Variants in BRINP3 observed in about 807,000 individuals in gnomAD.
BRINP3 encodes BMP/retinoic acid-inducible neural-specific protein 3.
BRINP3 carries 19 observed loss-of-function variants against 71.0 expected under a neutral mutation model. The observed-to-expected ratio is 0.27, with a 90% CI of 0.19 to 0.39. The LOEUF (loss-of-function observed/expected upper bound fraction) is 0.39. Ranked by LOEUF, BRINP3 falls within the 10% of genes least tolerant of loss-of-function variation. The pLI, the probability that BRINP3 is intolerant of heterozygous loss-of-function variation, is 1.00. For missense variants in BRINP3, 959 were observed against 940.8 expected (o/e 1.02, Z -0.25); for synonymous variants, 380 against 337.7 (o/e 1.13, Z -1.37).
chr1:190,314,287 T>A (rs961086523), intron 2 of BRINP3, among the ~76,000 whole-genome samples: 2 of 151,966 alleles, frequency 1.3e-5, no homozygotes, highest in Non-Finnish European at 2.9e-5. Context: ...CCTGGAGAAG[T>A]AAATATTGGG....
At chr1:190,367,099 G>A (rs1029034762) in intron 2 of BRINP3, among the ~76,000 whole-genome samples, 3 of 152,266 alleles carry the variant, frequency 2.0e-5, no homozygotes, top group Middle Eastern at 3.4e-3. Context: ...TCTGTGCGGG[G>A]GCTCCAACCT....
chr1:190,436,381 C>A (rs551105401), intron 2 of BRINP3, among the ~76,000 whole-genome samples: 21 of 151,712 alleles, frequency 1.4e-4, no homozygotes, highest in Non-Finnish European at 1.5e-5. Flanking sequence ...ACGCCAGAGC[C>A]AAGGATCTTA....
At chr1:190,228,733 T>G (rs1291378831) in intron 5 of BRINP3, among the ~76,000 whole-genome samples, 3 of 151,686 alleles carry the variant, frequency 2.0e-5, no homozygotes, top group Admixed American at 6.6e-5. Context: ...CCTAGAGAGA[T>G]AGCTTGGCCT....
At chr1:190,195,193 G>A (rs972956080) in intron 6 of BRINP3, among the ~76,000 whole-genome samples, 3 of 151,874 alleles carry the variant, frequency 2.0e-5, no homozygotes, top group African/African-American at 4.8e-5. Flanking sequence ...CTAAATTGAT[G>A]TTGACTTATG....
intron 1 of BRINP3, among the ~76,000 whole-genome samples, chr1:190,458,477 C>T (rs1048470115): frequency 6.6e-6 from 1 of 151,866 alleles, no homozygotes; most frequent in Non-Finnish European, 1.5e-5. Context: ...CAATATTCAC[C>T]ATCAGAAGAG....
intron 2 of BRINP3, among the ~76,000 whole-genome samples, chr1:190,433,905 T>G (rs1021056015): frequency 5.9e-5 from 9 of 152,272 alleles, no homozygotes; most frequent in African/African-American, 2.2e-4. Flanking sequence ...TCTTGAGCAT[T>G]TCTAGTCTGC....
intron 1 of BRINP3, among the ~76,000 whole-genome samples, chr1:190,464,501 G>A (rs1023970109): frequency 2.6e-5 from 4 of 151,712 alleles, no homozygotes; most frequent in East Asian, 3.9e-4. Context: ...TTATGTTTTC[G>A]TAATCCCTGG....
At chr1:190,413,835 T>G (rs557284157) in intron 2 of BRINP3, among the ~76,000 whole-genome samples, 17 of 152,324 alleles carry the variant, frequency 1.1e-4, no homozygotes, top group African/African-American at 4.1e-4. Flanking sequence ...GCCTATGTTA[T>G]ATTGTTAATT....
chr1:190,279,877 A>T (rs1243290589), intron 3 of BRINP3, among the ~76,000 whole-genome samples: 1 of 151,874 alleles, frequency 6.6e-6, no homozygotes. Flanking sequence ...AAATGTTTAC[A>T]TATATCTAGT....
At chr1:190,325,375 A>G (rs1482111774) in intron 2 of BRINP3, among the ~76,000 whole-genome samples, 2 of 152,052 alleles carry the variant, frequency 1.3e-5, no homozygotes, top group Non-Finnish European at 2.9e-5. Flanking sequence ...TGATAAATTG[A>G]CTGACAGAAA....
chr1:190,098,702 G>A lies in BRINP3; in HGVS notation c.1617C>T (p.Ser539=), dbSNP rs1651418372. The change falls in exon 8 of 8, where the codon AGC becomes AGT. Residue 539 remains serine, a synonymous_variant. Transcript: ENST00000367462. ...GGACCAGACTTGACTTGTACTTATT[G>A]CTCTTCAAGGTGAGGAGCATCCGCT... ...WRKRMLLTLK[S]NKYKSSLVHM... 1 of 1,614,164 alleles carries A rather than the reference G, an allele frequency of 6.2e-7. No individual in the cohort carries two copies. Among genetic ancestry groups the A allele is most frequent in the Non-Finnish European group, 8.5e-7 (1 of 1,180,034 alleles).
chr1:190,125,094 A>G (rs910038923), intron 7 of BRINP3, among the ~76,000 whole-genome samples: 2 of 152,056 alleles, frequency 1.3e-5, no homozygotes, highest in African/African-American at 4.8e-5. Context: ...TTCCAAGGTC[A>G]CACAGATAAT....
rs1428040068 is a variant in BRINP3, at chr1:190,264,946, C to G, written c.537G>C (p.Gln179His). ...TGTCAATGAAATAAGAAGCGGCTAG[C>G]TGATGTAGCGTCTCCAGAGTGACCG... ...SSSVTLETLHQLAASYFIDRD... is the reference protein window; with the variant it reads ...SSSVTLETLHHLAASYFIDRD... The change falls in exon 4 of 8, where the codon CAG becomes CAC. Residue 179 changes from glutamine to histidine, a missense_variant. Physicochemically the swap from Gln to His is conservative, Grantham distance 24 (BLOSUM62 0). Transcript: ENST00000367462. 5 of 1,613,464 alleles carry G rather than the reference C, an allele frequency of 3.1e-6. No individual in the cohort carries two copies. In the Admixed American group the frequency reaches 5.0e-5, roughly 16 times the overall value.
chr1:190,362,454 A>G (rs1669211617), intron 2 of BRINP3, among the ~76,000 whole-genome samples: 1 of 152,190 alleles, frequency 6.6e-6, no homozygotes, highest in South Asian at 2.1e-4. Context: ...GCAAAATGTT[A>G]GGAATTTCTT....
chr1:190,200,923 A>G (rs1654948367), intron 6 of BRINP3, among the ~76,000 whole-genome samples: 1 of 152,130 alleles, frequency 6.6e-6, no homozygotes, highest in Non-Finnish European at 1.5e-5. Flanking sequence ...AAATTTCCCA[A>G]TCTTGAGTAT....
chr1:190,172,463 A>T lies in BRINP3; in HGVS notation c.962-11573T>A, dbSNP rs80268817. Among the ~76,000 whole-genome samples, 322 of 152,208 alleles carry T rather than the reference A, an allele frequency of 2.1e-3. 1 individual carries two copies. Among genetic ancestry groups the T allele is most frequent in the African/African-American group, 7.1e-3 (294 of 41,544 alleles). On this transcript the variant is annotated intron_variant, in intron 6 of 7. Transcript: ENST00000367462. ...TAATGTTACTTAAATTTGTCAGAAA[A>T]TGGACTTTATTGAATAAAAACTACA...
At chr1:190,198,041 C>A (rs1654646945) in intron 6 of BRINP3, among the ~76,000 whole-genome samples, 1 of 152,124 alleles carries the variant, frequency 6.6e-6, no homozygotes, top group Non-Finnish European at 1.5e-5. Context: ...ACTCTGTGAA[C>A]CCACAGGCCC....
chr1:190,442,047 GA>G (rs200959827), intron 2 of BRINP3, among the ~76,000 whole-genome samples: 1 of 150,768 alleles, frequency 6.6e-6, no homozygotes, highest in African/African-American at 2.4e-5. Context: ...TTTTATTTGG[GA>G]AAAAAAACAA....
intron 2 of BRINP3, among the ~76,000 whole-genome samples, chr1:190,373,158 G>A (rs1168530059): frequency 6.6e-6 from 1 of 152,098 alleles, no homozygotes; most frequent in East Asian, 1.9e-4. Flanking sequence ...GGGAGGCCAT[G>A]GTGGGTTGAT....
Sources: gnomAD v4.1 joint callset for allele counts (sites outside exome capture counted in the v4.1 genomes callset) on GRCh38, gnomAD v4.1.1 for gene constraint, MANE v1.5 for transcripts, NCBI Gene and HGNC (gene_info 2026-07-23, HGNC 2026-07-21) for gene names.